Variants in DCC observed in about 807,000 individuals in gnomAD.
The protein encoded by DCC is netrin receptor DCC.
DCC carries 58 observed loss-of-function variants against 172.5 expected under a neutral mutation model. The ratio of observed to expected loss-of-function variants is 0.34; its 90% CI spans 0.27 to 0.42. The LOEUF (loss-of-function observed/expected upper bound fraction) is 0.42, where lower values mean the gene tolerates loss of function less well. Ranked by LOEUF, DCC falls within the 10% of genes least tolerant of loss-of-function variation. The probability of loss-of-function intolerance (pLI) is 1.00; values close to 1 mark genes in which losing one functional copy is unlikely to be tolerated. For synonymous variants in DCC, 709 were observed against 644.5 expected (o/e 1.10, Z -1.52); for missense variants, 1,740 against 1,791.0 (o/e 0.97, Z 0.51).
At chr18:52,973,536 C>A (rs536050709) in intron 5 of DCC, among the ~76,000 whole-genome samples, 1 of 152,260 alleles carries the variant, frequency 6.6e-6, no homozygotes, top group Non-Finnish European at 1.5e-5. Context: ...ATTTCCAGAG[C>A]TCCAACTCTC....
At chr18:53,312,733 G>A (rs1403105727) in intron 13 of DCC, among the ~76,000 whole-genome samples, 1 of 147,722 alleles carries the variant, frequency 6.8e-6, no homozygotes, top group Admixed American at 6.8e-5. Flanking sequence ...GGCTTGAACC[G>A]GGGAGGCAGA....
intron 5 of DCC, among the ~76,000 whole-genome samples, chr18:52,953,000 CAAAAAAAAAAAAA>C (rs11315976): frequency 5.7e-5 from 3 of 52,218 alleles, no homozygotes; most frequent in African/African-American, 2.4e-4. Context: ...TCTCCTGTCT[CAAAAAAAAAAAAA>C]AAAAAAAAAA....
intron 21 of DCC, among the ~76,000 whole-genome samples, chr18:53,427,829 A>G (rs1040484686): frequency 7.7e-5 from 8 of 103,408 alleles, no homozygotes; most frequent in Non-Finnish European, 1.4e-4. Flanking sequence ...ATATTAATAT[A>G]TGATATATAA....
At position 53,037,842 on chromosome 18, in the gene DCC, A is replaced by AT. The variant is rs960944057; in HGVS notation, c.986-25454dup. On this transcript the variant is annotated intron_variant, in intron 5 of 28. Transcript: ENST00000442544. The stretch of plus-strand genomic sequence containing the variant: ...ACAACTGATGAAAACACTTGAAAGG[A>AT]TTTTTTTTTAAATATTGAATGAGAT... Among the ~76,000 whole-genome samples the AT allele has an allele frequency of 2.0e-3, 298 of 151,602 alleles. 3 individuals are homozygous for AT. The highest frequency in any genetic ancestry group is 5.4e-3 in the African/African-American group (223 of 41,412).
intron 2 of DCC, among the ~76,000 whole-genome samples, chr18:52,761,864 G>A (rs1040904307): frequency 7.0e-6 from 1 of 143,026 alleles, no homozygotes; most frequent in Non-Finnish European, 1.5e-5. Context: ...AGCCGAGATA[G>A]CGCCACTGCA....
chr18:52,687,715 A>G (rs958155924), intron 1 of DCC, among the ~76,000 whole-genome samples: 1 of 152,272 alleles, frequency 6.6e-6, no homozygotes, highest in East Asian at 1.9e-4. Flanking sequence ...TAAAACTCAA[A>G]GCCAAATATT....
chr18:52,695,953 C>T (rs2036005455), intron 1 of DCC, among the ~76,000 whole-genome samples: 1 of 152,172 alleles, frequency 6.6e-6, no homozygotes, highest in African/African-American at 2.4e-5. Flanking sequence ...CTCCTTTACA[C>T]ATTTAAAATC....
chr18:53,112,395 T>G (rs371428064), intron 7 of DCC, among the ~76,000 whole-genome samples: 1 of 151,518 alleles, frequency 6.6e-6, no homozygotes, highest in Non-Finnish European at 1.5e-5. Context: ...AAGGTTCTAT[T>G]GTACAGTTGA....
chr18:52,353,378 G>C (rs1176638296), intron 1 of DCC, among the ~76,000 whole-genome samples: 1 of 152,086 alleles, frequency 6.6e-6, no homozygotes, highest in Non-Finnish European at 1.5e-5. Flanking sequence ...CTCAGACCCA[G>C]GGAAAAAGAA....
chr18:52,801,773 T>A (rs949650144), intron 2 of DCC, among the ~76,000 whole-genome samples: 1 of 152,230 alleles, frequency 6.6e-6, no homozygotes, highest in African/African-American at 2.4e-5. Flanking sequence ...TGTAAAATGC[T>A]GTAATTAGGC....
At chr18:52,596,620 G>C (rs1273880430) in intron 1 of DCC, among the ~76,000 whole-genome samples, 2 of 152,180 alleles carry the variant, frequency 1.3e-5, no homozygotes, top group African/African-American at 4.8e-5. Context: ...TCTGTTTACA[G>C]TTGAGAAACT....
intron 1 of DCC, among the ~76,000 whole-genome samples, chr18:52,349,226 C>G (rs1416686530): frequency 1.3e-5 from 2 of 152,162 alleles, no homozygotes; most frequent in African/African-American, 4.8e-5. Flanking sequence ...CACCTGCTCC[C>G]ATGGGACAGG....
intron 1 of DCC, among the ~76,000 whole-genome samples, chr18:52,563,585 G>A (rs1174112680): frequency 6.6e-6 from 1 of 152,158 alleles, no homozygotes; most frequent in Non-Finnish European, 1.5e-5. Context: ...TTTAAGGTCA[G>A]TTGTTTCCTA....
chr18:53,425,453 G>A (rs1323251757), intron 21 of DCC, among the ~76,000 whole-genome samples: 3 of 144,674 alleles, frequency 2.1e-5, no homozygotes, highest in Non-Finnish European at 3.0e-5. Flanking sequence ...TCTGCCTCCT[G>A]GGTTCAAGCG....
chr18:52,442,187 A>G (rs1344792763), intron 1 of DCC, among the ~76,000 whole-genome samples: 1 of 152,186 alleles, frequency 6.6e-6, no homozygotes, highest in Admixed American at 6.5e-5. Context: ...GACATTCATA[A>G]TCTATGTTAT....
chr18:53,509,530 T>C (rs1207611516), intron 27 of DCC, among the ~76,000 whole-genome samples: 1 of 152,170 alleles, frequency 6.6e-6, no homozygotes, highest in African/African-American at 2.4e-5. Flanking sequence ...GCTGACCCTC[T>C]GCAGATTAGA....
chr18:53,432,737 TATC>T (rs1276543501), intron 21 of DCC, among the ~76,000 whole-genome samples: 4 of 123,560 alleles, frequency 3.2e-5, no homozygotes, highest in African/African-American at 1.5e-4. Flanking sequence ...GAGAATCTTT[TATC>T]ATTATTATTA....
chr18:53,528,253 G>A (rs572437604), intron 28 of DCC, among the ~76,000 whole-genome samples: 10 of 151,838 alleles, frequency 6.6e-5, no homozygotes, highest in African/African-American at 2.2e-4. Context: ...ATATTTTAAC[G>A]ACATAGAGAT....
At chr18:52,410,476 G>A (rs145589987) in intron 1 of DCC, among the ~76,000 whole-genome samples, 20 of 152,220 alleles carry the variant, frequency 1.3e-4, no homozygotes, top group African/African-American at 3.6e-4. Flanking sequence ...AAAAGTTTTG[G>A]TGTTTTTGTT....
Sources: gnomAD v4.1 joint callset for allele counts (sites outside exome capture counted in the v4.1 genomes callset) on GRCh38, gnomAD v4.1.1 for gene constraint, MANE v1.5 for transcripts, NCBI Gene and HGNC (gene_info 2026-07-23, HGNC 2026-07-21) for gene names.